The following WWP2 variants were observed in gnomAD, a reference collection of about 807,000 sequenced individuals.
WWP2 encodes the protein WW domain containing E3 ubiquitin protein ligase 2.
WWP2 carries 57 observed loss-of-function variants against 121.0 expected under a neutral mutation model. The ratio of observed to expected loss-of-function variants is 0.47; its 90% CI spans 0.38 to 0.59. The LOEUF is 0.59. Ranked by LOEUF, WWP2 falls within the 20% of genes least tolerant of loss-of-function variation. The probability of loss-of-function intolerance (pLI) is 0.00; values close to 1 mark genes in which losing one functional copy is unlikely to be tolerated. For missense variants in WWP2, 962 were observed against 1,158.9 expected (o/e 0.83, Z 2.47); for synonymous variants, 449 against 441.3 (o/e 1.02, Z -0.22).
chr16:69,899,259 T>C (rs1032641020), intron 8 of WWP2, among the ~76,000 whole-genome samples: 7 of 152,162 alleles, frequency 4.6e-5, no homozygotes, highest in African/African-American at 1.7e-4. Context: ...CCTGTAACTT[T>C]AGCACTTTGG....
intron 8 of WWP2, among the ~76,000 whole-genome samples, chr16:69,905,980 C>T (rs757334595): frequency 2.6e-5 from 4 of 152,040 alleles, no homozygotes; most frequent in African/African-American, 4.8e-5. Flanking sequence ...GCCTGTAGCT[C>T]GTGGTAGATT....
chr16:69,885,603 A>G (rs951926114), intron 7 of WWP2, among the ~76,000 whole-genome samples: 12 of 152,232 alleles, frequency 7.9e-5, no homozygotes, highest in East Asian at 1.9e-4. Flanking sequence ...AAGAGTTATT[A>G]TAATCTTCGG....
At position 69,798,709 on chromosome 16, in the gene WWP2, A is replaced by G. The variant is rs751094487; in HGVS notation, c.98A>G (p.Asn33Ser). 3.5e-5 allele frequency: 57 copies of G among 1,613,908 alleles called. No homozygotes were observed. The highest frequency in any genetic ancestry group is 4.7e-5 in the Non-Finnish European group (56 of 1,180,004). ...GTGTCCGCAAAGCCCAAGGTGCATA[A>G]TCGTCAACCTCGAATTAACTCCTAC... is the stretch of plus-strand genomic sequence containing the variant. ...KVVSAKPKVH[N>S]RQPRINSYVE... The change falls in exon 3 of 24, where the codon AAT becomes AGT. Residue 33 changes from asparagine (N) to serine (S), a missense_variant. This residue lies in a region of WWP2 where 145 missense variants were observed against 189.8 expected (regional missense o/e 0.76). Coordinates refer to ENST00000359154, the MANE Select transcript of WWP2 (RefSeq NM_001270454.2).
intron 10 of WWP2, among the ~76,000 whole-genome samples, chr16:69,921,946 C>A (rs900690031): frequency 6.6e-6 from 1 of 152,048 alleles, no homozygotes; most frequent in Middle Eastern, 3.4e-3. Context: ...TGGTGGCGGG[C>A]ACCTTTAGTC....
At chr16:69,908,108 C>T (rs546047773) in intron 8 of WWP2, among the ~76,000 whole-genome samples, 4 of 152,126 alleles carry the variant, frequency 2.6e-5, no homozygotes, top group East Asian at 3.9e-4. Flanking sequence ...AGCTGGGCAT[C>T]GTAATGTGTG....
intron 1 of WWP2, among the ~76,000 whole-genome samples, chr16:69,769,824 T>G (rs1452912298): frequency 6.6e-6 from 1 of 152,104 alleles, no homozygotes; most frequent in Non-Finnish European, 1.5e-5. Flanking sequence ...TCCTCCCATT[T>G]CCTGGCCTAT....
At chr16:69,929,399 G>A (rs769572579) in intron 11 of WWP2, 49 bp from the exon 12 acceptor site, 9 of 1,571,600 alleles carry the variant, frequency 5.7e-6, no homozygotes, top group Admixed American at 1.7e-5. Flanking sequence ...AAAGGACACC[G>A]GCTCTCCGTG....
intron 1 of WWP2, among the ~76,000 whole-genome samples, chr16:69,769,558 G>T (rs2055369687): frequency 6.6e-6 from 1 of 152,044 alleles, no homozygotes; most frequent in South Asian, 2.1e-4. Context: ...CTGGTTTCTT[G>T]ACTCAGAGCT....
chr16:69,843,206 T>G (rs868055143), intron 6 of WWP2, among the ~76,000 whole-genome samples: 9 of 152,160 alleles, frequency 5.9e-5, no homozygotes, highest in Admixed American at 1.3e-4. Flanking sequence ...GCATTCTGCT[T>G]TGGGGGTGGC....
intron 4 of WWP2, among the ~76,000 whole-genome samples, chr16:69,817,877 T>A (rs541235140): frequency 6.6e-6 from 1 of 152,148 alleles, no homozygotes; most frequent in East Asian, 1.9e-4. Context: ...ATTACAGGTG[T>A]GAGCCATTGT....
chr16:69,806,275 G>C (rs989641310), intron 4 of WWP2, among the ~76,000 whole-genome samples: 20 of 152,160 alleles, frequency 1.3e-4, no homozygotes, highest in African/African-American at 4.1e-4. Context: ...AATATACCTA[G>C]TTGCTCAAGA....
At chr16:69,840,433 A>G (rs796574121) in intron 5 of WWP2, among the ~76,000 whole-genome samples, 170 bp downstream of exon 5, 11 of 152,348 alleles carry the variant, frequency 7.2e-5, no homozygotes, top group African/African-American at 2.2e-4. Context: ...GTATCACAAC[A>G]TGAATTTTCA....
chr16:69,820,607 A>G (rs1361144949), intron 4 of WWP2, among the ~76,000 whole-genome samples: 1 of 129,886 alleles, frequency 7.7e-6, no homozygotes, highest in African/African-American at 2.5e-5. Context: ...CCTTGAAAAA[A>G]CTGTCTTAAT....
At chr16:69,838,445 TAAA>T (rs3086443) in intron 4 of WWP2, among the ~76,000 whole-genome samples, 5,377 of 139,260 alleles carry the variant, frequency 0.039, 300 homozygotes, top group East Asian at 0.17. Flanking sequence ...CTCCTTGACT[TAAA>T]AAAAAAAAAA....
chr16:69,811,919 A>T (rs75279003), intron 4 of WWP2, among the ~76,000 whole-genome samples: 2,163 of 152,270 alleles, frequency 0.014, 49 homozygotes, highest in African/African-American at 0.046. Context: ...TTCATCCCTA[A>T]ATACTGATGT....
At chr16:69,903,618 A>G (rs1038407921) in intron 8 of WWP2, among the ~76,000 whole-genome samples, 1 of 152,088 alleles carries the variant, frequency 6.6e-6, no homozygotes, top group Non-Finnish European at 1.5e-5. Flanking sequence ...ATACAAAAAA[A>G]TTAGCCAGGT....
intron 4 of WWP2, among the ~76,000 whole-genome samples, chr16:69,814,428 G>C (rs1278074605): frequency 2.2e-5 from 3 of 136,932 alleles, no homozygotes; most frequent in Non-Finnish European, 3.1e-5. Context: ...ACTCTCATGA[G>C]AACCCTGGCA....
chr16:69,787,210 A>G (rs2055812414), intron 2 of WWP2, 130 bp downstream of exon 2: 1 of 584,340 alleles, frequency 1.7e-6, no homozygotes, highest in Admixed American at 4.0e-5. Flanking sequence ...TTCTCATGGG[A>G]TTGTCATCTT....
intron 1 of WWP2, among the ~76,000 whole-genome samples, chr16:69,769,874 CTTTTTTTTT>C: frequency 9.8e-6 from 1 of 102,222 alleles, no homozygotes; most frequent in African/African-American, 3.8e-5. Context: ...TGATCAGTGT[CTTTTTTTTT>C]TTTTTTTTTG....
Sources: gnomAD v4.1 joint callset for allele counts (sites outside exome capture counted in the v4.1 genomes callset) on GRCh38, gnomAD v4.1.1 for gene constraint, gnomAD v4.1.1 regional missense constraint, MANE v1.5 for transcripts, NCBI Gene and HGNC (gene_info 2026-07-23, HGNC 2026-07-21) for gene names.